SP110: variants seen among roughly 807,000 people sequenced by gnomAD.
The protein encoded by SP110 is interferon-induced protein 41, 30kD.
In SP110, 62 loss-of-function variants were observed where a neutral mutation model predicts 92.7. The observed-to-expected ratio is 0.67, with a 90% CI of 0.55 to 0.83. The LOEUF (loss-of-function observed/expected upper bound fraction) is 0.83. Among genes scored for constraint, SP110 ranks in the 40% least tolerant of loss-of-function variants. The pLI, the probability that SP110 is intolerant of heterozygous loss-of-function variation, is 0.00. For missense variants in SP110, 793 were observed against 863.9 expected (o/e 0.92, Z 1.03); for synonymous variants, 273 against 305.3 (o/e 0.89, Z 1.10).
chr2:230,193,630 A>G (rs2042735976), intron 10 of SP110, among the ~76,000 whole-genome samples: 1 of 152,230 alleles, frequency 6.6e-6, no homozygotes, highest in Non-Finnish European at 1.5e-5. Context: ...GCTTTGCCAG[A>G]TACAAAATTC....
At chr2:230,198,853 C>G (rs191143580) in intron 10 of SP110, among the ~76,000 whole-genome samples, 1 of 152,258 alleles carries the variant, frequency 6.6e-6, no homozygotes, top group East Asian at 1.9e-4. Context: ...CCACCTCGGC[C>G]TCCCAATAGC....
At chr2:230,212,592 C>T (rs1337182489) in intron 4 of SP110, among the ~76,000 whole-genome samples, 162 bp from the exon 5 acceptor site, 1 of 152,052 alleles carries the variant, frequency 6.6e-6, no homozygotes, top group Non-Finnish European at 1.5e-5. Context: ...TAGGTCTTAC[C>T]CACCCCCCGG....
At chr2:230,204,518 CT>C (rs1191373817) in intron 8 of SP110, among the ~76,000 whole-genome samples, 3 of 152,098 alleles carry the variant, frequency 2.0e-5, no homozygotes, top group Non-Finnish European at 2.9e-5. Context: ...TCTATGACCC[CT>C]TTTCATAACA....
At chr2:230,209,069 C>CACAGAAAAA (rs2044186642) in intron 7 of SP110, among the ~76,000 whole-genome samples, 3 of 152,060 alleles carry the variant, frequency 2.0e-5, no homozygotes, top group African/African-American at 7.2e-5. Context: ...ATTTTTGATT[C>CACAGAAAAA]TTTTTCTTTT....
intron 3 of SP110, among the ~76,000 whole-genome samples, chr2:230,213,286 T>C (rs1480645337): frequency 6.6e-6 from 1 of 152,166 alleles, no homozygotes; most frequent in African/African-American, 2.4e-5. Flanking sequence ...CACATAAAAG[T>C]TGAGTTTGGG....
At chr2:230,206,625 A>ATATATATATATATATG (rs2043879076) in intron 8 of SP110, among the ~76,000 whole-genome samples, 1 of 102,298 alleles carries the variant, frequency 9.8e-6, no homozygotes, top group Non-Finnish European at 2.1e-5. Context: ...ATATATATAT[A>ATATATATATATATATG]TATATATATA....
chr2:230,183,678 A>G, intron 11 of SP110, 38 bp from the exon 12 acceptor site: 1 of 1,236,480 alleles, frequency 8.1e-7, no homozygotes, highest in South Asian at 1.2e-5. Context: ...AGCTACAAAC[A>G]TAGATTTATA....
intron 14 of SP110, chr2:230,176,341 A>C: frequency 1.8e-6 from 1 of 562,906 alleles, no homozygotes; most frequent in Non-Finnish European, 2.7e-6. Flanking sequence ...CACCATTCCT[A>C]GTTGATTAAA....
At chr2:230,176,654 G>T (rs771488180) in intron 14 of SP110, 1 of 1,613,792 alleles carries the variant, frequency 6.2e-7, no homozygotes, top group Non-Finnish European at 8.5e-7. Flanking sequence ...GACTGAGAGG[G>T]TAGTAGAAAT....
At chr2:230,221,661 A>G, upstream of SP110, 5 of 1,526,068 alleles carry the variant, frequency 3.3e-6, no homozygotes, top group Non-Finnish European at 4.4e-6. Flanking sequence ...TGGCGGTGGT[A>G]AAGGAATTAA....
At chr2:230,212,256 G>C (rs1392114497) in intron 5 of SP110, 91 bp downstream of exon 5, 1 of 943,644 alleles carries the variant, frequency 1.1e-6, no homozygotes, top group East Asian at 2.4e-5. Context: ...CTTTTTCCCA[G>C]GGTTCCCACC....
rs753624014 is a variant in SP110, at chr2:230,199,145, ATTATTTTTT to A, written c.1129+1731_1129+1739del. 5.0e-4 allele frequency among the ~76,000 whole-genome samples: 61 copies of A among 121,708 alleles called. No individual in the cohort carries two copies. In the Middle Eastern group the frequency reaches 0.017, roughly 33 times the overall value. The allele number at this position is 121,708 out of a possible 152,430, so 79.8% of individuals were successfully genotyped here. On this transcript the variant is annotated intron_variant, in intron 10 of 18. Coordinates refer to ENST00000258381, the MANE Select transcript of SP110 (RefSeq NM_080424.4). The stretch of plus-strand genomic sequence containing the variant: ...TTTAGCTACTATTATTATTATTATT[ATTATTTTTT>A]TTTTTTTTTAGTGGGGTGAGGTTTG...
At chr2:230,210,154 T>G (rs184489442) in intron 6 of SP110, 146 bp from the exon 7 acceptor site, 39 of 729,322 alleles carry the variant, frequency 5.3e-5, no homozygotes, top group South Asian at 1.4e-4. Context: ...CCTGGCTCTG[T>G]CTTGATTTTT....
intron 4 of SP110, 74 bp downstream of exon 4, chr2:230,212,687 T>G: frequency 6.4e-7 from 1 of 1,568,264 alleles, no homozygotes; most frequent in East Asian, 2.2e-5. Flanking sequence ...GTCAAGATGC[T>G]GGGATTGGCG....
intron 12 of SP110, 69 bp downstream of exon 12, chr2:230,183,503 G>T: frequency 1.0e-6 from 1 of 986,658 alleles, no homozygotes; most frequent in Non-Finnish European, 1.6e-6. Flanking sequence ...GAGAGGGCGG[G>T]TGGAGCTTCC....
intron 15 of SP110, 42 bp downstream of exon 15, chr2:230,172,802 G>A (rs1455915001): frequency 2.3e-6 from 3 of 1,315,480 alleles, no homozygotes; most frequent in East Asian, 4.6e-5. Context: ...TCCATCTGGA[G>A]GTGAGTGCTG....
At chr2:230,172,819 C>T (rs200378335) in intron 15 of SP110, 25 bp downstream of exon 15, 20 of 1,495,112 alleles carry the variant, frequency 1.3e-5, no homozygotes, top group Middle Eastern at 3.5e-4. Context: ...GCTGTGTGCC[C>T]GAGGCGGGGC....
At chr2:230,184,952 G>A (rs576083364) in intron 11 of SP110, among the ~76,000 whole-genome samples, 89 of 152,252 alleles carry the variant, frequency 5.8e-4, no homozygotes, top group African/African-American at 2.1e-3. Context: ...ATACAGCCAC[G>A]CCCATTTGTT....
chr2:230,212,030 T>C (rs1397018352), intron 5 of SP110, among the ~76,000 whole-genome samples: 2 of 152,200 alleles, frequency 1.3e-5, no homozygotes, highest in African/African-American at 4.8e-5. Context: ...TTTGATAACA[T>C]TGTTCTTAGA....
Sources: allele counts gnomAD v4.1 joint callset (sites outside exome capture counted in the v4.1 genomes callset), GRCh38; gene constraint gnomAD v4.1.1; transcripts MANE v1.5; gene names NCBI Gene and HGNC (gene_info 2026-07-23, HGNC 2026-07-21).